ADAMTSL1: variants seen among roughly 807,000 people sequenced by gnomAD.
The protein encoded by ADAMTSL1 is ADAMTS-like protein 1.
ADAMTSL1 carries 126 observed loss-of-function variants against 201.8 expected under a neutral mutation model. The ratio of observed to expected loss-of-function variants is 0.62; its 90% CI spans 0.54 to 0.72. The LOEUF (loss-of-function observed/expected upper bound fraction) is 0.72, where lower values mean the gene tolerates loss of function less well. Ranked by LOEUF, ADAMTSL1 falls within the 30% of genes least tolerant of loss-of-function variation. The pLI is 0.00. For missense variants in ADAMTSL1, 2,679 were observed against 2,277.8 expected, an observed-to-expected ratio of 1.18 and a Z score of -3.59; for synonymous variants, 1,121 against 903.4, an observed-to-expected ratio of 1.24 and a Z score of -4.32.
At chr9:18,449,368 C>T (rs1820319291) in intron 2 of ADAMTSL1, among the ~76,000 whole-genome samples, 1 of 151,788 alleles carries the variant, frequency 6.6e-6, no homozygotes, top group Non-Finnish European at 1.5e-5. Flanking sequence ...CCAACACAGT[C>T]GTAGAGCCAT....
At chr9:18,205,879 C>A (rs566311701) in intron 2 of ADAMTSL1, among the ~76,000 whole-genome samples, 1 of 151,704 alleles carries the variant, frequency 6.6e-6, no homozygotes, top group Admixed American at 6.6e-5. Flanking sequence ...CATGGTGAAA[C>A]CCCATCTCTA....
chr9:18,275,534 C>G (rs554868188), intron 2 of ADAMTSL1, among the ~76,000 whole-genome samples: 1 of 152,244 alleles, frequency 6.6e-6, no homozygotes, highest in African/African-American at 2.4e-5. Flanking sequence ...CACCTTAGCC[C>G]TAGGCAACTA....
chr9:18,886,373 G>A (rs530808889), intron 23 of ADAMTSL1, among the ~76,000 whole-genome samples: 21 of 151,576 alleles, frequency 1.4e-4, no homozygotes, highest in Admixed American at 4.6e-4. Flanking sequence ...GTGACCGAGC[G>A]AGACCCTGTC....
chr9:18,432,530 A>ATTATT (rs888694650), intron 2 of ADAMTSL1, among the ~76,000 whole-genome samples: 1 of 152,186 alleles, frequency 6.6e-6, no homozygotes, highest in Non-Finnish European at 1.5e-5. Flanking sequence ...TGTAGCTTAC[A>ATTATT]TTATTCTATC....
At chr9:18,335,295 T>C (rs1835188286) in intron 2 of ADAMTSL1, among the ~76,000 whole-genome samples, 1 of 152,138 alleles carries the variant, frequency 6.6e-6, no homozygotes, top group Non-Finnish European at 1.5e-5. Context: ...GCTATTCAAC[T>C]TATTTTCCTC....
At chr9:17,920,432 AT>A (rs1217702937) in intron 1 of ADAMTSL1, among the ~76,000 whole-genome samples, 2 of 152,160 alleles carry the variant, frequency 1.3e-5, no homozygotes, top group African/African-American at 2.4e-5. Context: ...TGAAAGTAAA[AT>A]TTTTTAAAAC....
intron 1 of ADAMTSL1, among the ~76,000 whole-genome samples, chr9:18,108,154 GC>G: frequency 6.7e-6 from 1 of 150,316 alleles, no homozygotes; most frequent in Middle Eastern, 3.4e-3. Context: ...AAAGAAGTGA[GC>G]AAAAAGTATT....
chr9:18,819,237 C>A (rs1003650466), intron 21 of ADAMTSL1, among the ~76,000 whole-genome samples: 3 of 152,066 alleles, frequency 2.0e-5, no homozygotes, highest in Admixed American at 2.0e-4. Flanking sequence ...GGGTGGATCA[C>A]CTGAGGTCAG....
chr9:18,660,905 AT>A (rs1166841742), intron 8 of ADAMTSL1, among the ~76,000 whole-genome samples: 5 of 152,080 alleles, frequency 3.3e-5, no homozygotes, highest in Non-Finnish European at 7.4e-5. Flanking sequence ...CCTCCTTCTG[AT>A]TTCCTAAAAT....
chr9:18,774,453 C>T (rs7035260), intron 17 of ADAMTSL1, among the ~76,000 whole-genome samples: 35,128 of 151,682 alleles, frequency 0.23, 4,425 homozygotes, highest in South Asian at 0.38. Context: ...TCCCTGTCTC[C>T]CATCTGATCC....
At chr9:18,026,127 T>A (rs1210910028) in intron 1 of ADAMTSL1, among the ~76,000 whole-genome samples, 3 of 152,064 alleles carry the variant, frequency 2.0e-5, no homozygotes, top group Non-Finnish European at 4.4e-5. Context: ...TTTAGAGTTT[T>A]CTAGGTGTGG....
At position 18,087,061 on chromosome 9, in the gene ADAMTSL1, T is replaced by C. The variant is rs150879447; in HGVS notation, c.88-76801T>C. On this transcript the variant is annotated intron_variant, in intron 1 of 29. Coordinates refer to the ADAMTSL1 transcript ENST00000680146. ...CATGAGGCTGAGTTAATTTTGTTAT[T>C]ATATGTTTAATTCTTGCTTTGCTTA... Among the ~76,000 whole-genome samples, 175 of 152,324 alleles carry C rather than the reference T, an allele frequency of 1.1e-3. 2 individuals are homozygous for C. In the East Asian group the frequency reaches 0.015, roughly 13 times the overall value.
At chr9:18,344,140 T>G (rs1835594687) in intron 2 of ADAMTSL1, among the ~76,000 whole-genome samples, 1 of 152,150 alleles carries the variant, frequency 6.6e-6, no homozygotes, top group South Asian at 2.1e-4. Context: ...AATGTTTTAA[T>G]TACCAAAATT....
At chr9:18,764,781 A>G (rs1379239485) in intron 16 of ADAMTSL1, among the ~76,000 whole-genome samples, 1 of 152,244 alleles carries the variant, frequency 6.6e-6, no homozygotes, top group Non-Finnish European at 1.5e-5. Flanking sequence ...CTTACCATTG[A>G]TAATATCCTA....
intron 7 of ADAMTSL1, among the ~76,000 whole-genome samples, chr9:18,640,673 A>G (rs932112892): frequency 1.3e-5 from 2 of 152,044 alleles, no homozygotes; most frequent in Non-Finnish European, 2.9e-5. Context: ...TTAATCTTAT[A>G]AATGAAGACA....
chr9:18,738,879 A>G (rs1221664300), intron 15 of ADAMTSL1, among the ~76,000 whole-genome samples: 2 of 152,200 alleles, frequency 1.3e-5, no homozygotes, highest in East Asian at 1.9e-4. Context: ...GAGAAATATT[A>G]TAACAATGAT....
intron 1 of ADAMTSL1, among the ~76,000 whole-genome samples, chr9:17,975,046 T>C (rs899239148): frequency 2.0e-5 from 3 of 152,092 alleles, no homozygotes; most frequent in South Asian, 2.1e-4. Context: ...ATCTTTGTGA[T>C]AGTAACCACT....
chr9:17,918,573 T>C (rs1826190635), intron 1 of ADAMTSL1, among the ~76,000 whole-genome samples: 1 of 151,908 alleles, frequency 6.6e-6, no homozygotes, highest in Non-Finnish European at 1.5e-5. Flanking sequence ...TCTTATTAAC[T>C]GTTCTGTGTA....
chr9:18,717,870 C>T (rs1170120098), intron 14 of ADAMTSL1: 2 of 802,282 alleles, frequency 2.5e-6, no homozygotes, highest in Non-Finnish European at 4.4e-6. Flanking sequence ...ACAGGAAAGT[C>T]CATTTAAGAT....
Sources: allele counts gnomAD v4.1 joint callset (sites outside exome capture counted in the v4.1 genomes callset), GRCh38; gene constraint gnomAD v4.1.1; transcripts MANE v1.5; gene names NCBI Gene and HGNC (gene_info 2026-07-23, HGNC 2026-07-21).